PPIL6: variants seen among roughly 807,000 people sequenced by gnomAD.
The protein encoded by PPIL6 is peptidylprolyl isomerase like 6.
PPIL6 carries 39 observed loss-of-function variants against 36.8 expected under a neutral mutation model. The ratio of observed to expected loss-of-function variants is 1.06; its 90% CI spans 0.82 to 1.38. The LOEUF (loss-of-function observed/expected upper bound fraction) is 1.38, where lower values mean the gene tolerates loss of function less well. Among genes scored for constraint, PPIL6 ranks in the 40% most tolerant of loss-of-function variants. The pLI is 0.00. For missense variants in PPIL6, 368 were observed against 379.1 expected, an observed-to-expected ratio of 0.97 and a Z score of 0.24; for synonymous variants, 123 against 134.1, an observed-to-expected ratio of 0.92 and a Z score of 0.57.
chr6:109,436,999 T>C (rs924137988), intron 1 of PPIL6, among the ~76,000 whole-genome samples: 2 of 152,214 alleles, frequency 1.3e-5, no homozygotes, highest in Admixed American at 1.3e-4. Context: ...GAATGGGGGA[T>C]GACCAAAAAG....
chr6:109,399,353 C>T (rs1018470487), intron 7 of PPIL6, among the ~76,000 whole-genome samples: 2 of 151,956 alleles, frequency 1.3e-5, no homozygotes, highest in African/African-American at 4.8e-5. Flanking sequence ...GAGTGATCTG[C>T]CTGCCTCAGC....
At chr6:109,438,402 C>G (rs2115301396) in intron 1 of PPIL6, among the ~76,000 whole-genome samples, 1 of 151,288 alleles carries the variant, frequency 6.6e-6, no homozygotes, top group South Asian at 2.1e-4. Flanking sequence ...CACAGTGAGA[C>G]CCCCATCTCT....
At chr6:109,438,401 A>AC (rs981911359) in intron 1 of PPIL6, among the ~76,000 whole-genome samples, 2 of 151,508 alleles carry the variant, frequency 1.3e-5, no homozygotes, top group African/African-American at 2.4e-5. Context: ...ACACAGTGAG[A>AC]CCCCCATCTC....
chr6:109,420,913 C>T (rs927424490), intron 5 of PPIL6, among the ~76,000 whole-genome samples: 1 of 152,214 alleles, frequency 6.6e-6, no homozygotes, highest in African/African-American at 2.4e-5. Flanking sequence ...AGCCTTAAGT[C>T]TCCAACCTGA....
At chr6:109,421,605 GC>G (rs1773542123) in intron 5 of PPIL6, among the ~76,000 whole-genome samples, 1 of 152,282 alleles carries the variant, frequency 6.6e-6, no homozygotes, top group South Asian at 2.1e-4. Flanking sequence ...ATAATAAAAT[GC>G]ATTAAATTTA....
At chr6:109,415,858 C>T (rs147357658) in intron 6 of PPIL6, among the ~76,000 whole-genome samples, 59 of 152,294 alleles carry the variant, frequency 3.9e-4, no homozygotes, top group African/African-American at 1.3e-3. Flanking sequence ...TAGTAGACCA[C>T]TTTGATGCCT....
Position 109,391,344 on chromosome 6 carries a change from A to G in PPIL6, c.*1482T>C, listed in dbSNP as rs959368836. On this transcript the variant is annotated 3_prime_UTR_variant, in exon 8 of 8. Coordinates refer to ENST00000521072, the MANE Select transcript of PPIL6 (RefSeq NM_173672.5). Reference sequence around the variant, plus strand: ...AAAGCACTCTTAGTCTGGGCAGAGCAGGGGCACAGGGTAGTGGTGGTAACA... The same window carrying G: ...AAAGCACTCTTAGTCTGGGCAGAGCGGGGGCACAGGGTAGTGGTGGTAACA... 1 of 149,426 alleles carries G rather than the reference A, an allele frequency of 6.7e-6. No homozygotes were observed. The highest frequency in any genetic ancestry group is 1.5e-5 in the Non-Finnish European group (1 of 67,596). 9.3% of individuals were successfully genotyped at this position (149,426 alleles called of 1,614,324 possible).
intron 5 of PPIL6, among the ~76,000 whole-genome samples, chr6:109,422,759 G>A (rs1179886316): frequency 6.6e-6 from 1 of 152,184 alleles, no homozygotes; most frequent in Non-Finnish European, 1.5e-5. Flanking sequence ...TAAAAGTCGT[G>A]TGAAAGCTCC....
chr6:109,438,834 G>A (rs931304488), intron 1 of PPIL6, among the ~76,000 whole-genome samples: 3 of 152,150 alleles, frequency 2.0e-5, no homozygotes, highest in East Asian at 1.9e-4. Context: ...TGATCTGCCC[G>A]CCTCAGCCTC....
chr6:109,427,205 A>G lies in PPIL6; in HGVS notation c.421-49T>C, dbSNP rs763597657. 3.5e-6 allele frequency: 5 copies of G among 1,433,508 alleles called. No individual in the cohort carries two copies. The South Asian group carries it at 5.1e-5, about 15-fold the overall frequency. The allele number at this position is 1,433,508 out of a possible 1,614,324, so 88.8% of individuals were successfully genotyped here. A position where few individuals can be genotyped will look rare whatever the true frequency, so the allele number is the denominator to read the frequency against. ...ATAATGCAGGTCAAAGTCTTACAAG[A>G]AAGTTTTCAGAAATGACCAAAAATA... On this transcript the variant is annotated intron_variant, in intron 3 of 7. Coordinates refer to ENST00000521072, the MANE Select transcript of PPIL6 (RefSeq NM_173672.5).
intron 6 of PPIL6, among the ~76,000 whole-genome samples, chr6:109,404,632 T>A (rs1192019135): frequency 5.3e-5 from 8 of 152,246 alleles, no homozygotes; most frequent in Admixed American, 5.2e-4. Context: ...AGCACCTACT[T>A]TGGAGTTTAG....
At chr6:109,409,497 G>T (rs185382590) in intron 6 of PPIL6, among the ~76,000 whole-genome samples, 15 of 152,084 alleles carry the variant, frequency 9.9e-5, no homozygotes, top group African/African-American at 3.6e-4. Context: ...CCAGGAGGCA[G>T]AGGTTGCAGT....
At position 109,413,049 on chromosome 6, in the gene PPIL6, T is replaced by C. The variant is rs898454707; in HGVS notation, c.688+6138A>G. 1.3e-5 allele frequency among the ~76,000 whole-genome samples: 2 copies of C among 151,852 alleles called. No homozygotes were observed. The highest frequency in any genetic ancestry group is 4.8e-5 in the African/African-American group (2 of 41,316). On this transcript the variant is annotated intron_variant, in intron 6 of 7. Transcript: ENST00000521072. This position sits in a 1 kb window ranked among gnomAD's most constrained non-coding sequence, Gnocchi z 4.6. ...TATGTGCGCCTCTAATCCCAGCTAT[T>C]TGGGAGGCTGAGGGAGGAGAATTGC... is the stretch of plus-strand genomic sequence containing the variant.
rs1582565435 is a variant in PPIL6, at chr6:109,419,396, C to G, written c.632-153G>C. On this transcript the variant is annotated intron_variant, in intron 5 of 7. Coordinates refer to ENST00000521072, the MANE Select transcript of PPIL6 (RefSeq NM_173672.5). ...AGGAGTTTGAGACCAGCCTGGGCAA[C>G]ATAATGAGACTCCATCTCGATTAAA... Among the ~76,000 whole-genome samples, 4 of 147,824 alleles carry G rather than the reference C, an allele frequency of 2.7e-5. No individual in the cohort carries two copies. In the East Asian group the frequency reaches 7.9e-4, roughly 29 times the overall value.
chr6:109,416,200 CTTT>C (rs35427534), intron 6 of PPIL6, among the ~76,000 whole-genome samples: 3 of 112,504 alleles, frequency 2.7e-5, no homozygotes, highest in Admixed American at 9.6e-5. Flanking sequence ...TCTTTTGTGG[CTTT>C]TTTTTTTTTT....
At chr6:109,403,150 A>AT (rs752000632) in intron 6 of PPIL6, 374 of 1,383,472 alleles carry the variant, frequency 2.7e-4, no homozygotes, top group Middle Eastern at 1.1e-3. Context: ...ATTAAATTAA[A>AT]TTTTTTTAGA....
chr6:109,420,958 C>CCCCA (rs776804950), intron 5 of PPIL6, among the ~76,000 whole-genome samples: 3 of 152,222 alleles, frequency 2.0e-5, no homozygotes, highest in Non-Finnish European at 4.4e-5. Context: ...CACTACCCAG[C>CCCCA]CCCAGGCAGC....
chr6:109,430,419 C>G (rs1025268280), intron 3 of PPIL6, among the ~76,000 whole-genome samples: 1 of 150,412 alleles, frequency 6.6e-6, no homozygotes, highest in Non-Finnish European at 1.5e-5. Flanking sequence ...CTCTTGCTAA[C>G]TATGTGTTCA....
intron 6 of PPIL6, among the ~76,000 whole-genome samples, chr6:109,401,854 G>A (rs543303994): frequency 6.6e-6 from 1 of 151,704 alleles, no homozygotes; most frequent in Non-Finnish European, 1.5e-5. Context: ...TCCCTTAGTA[G>A]CTGGAACTAC....
Sources: allele counts gnomAD v4.1 joint callset (sites outside exome capture counted in the v4.1 genomes callset), GRCh38; gene constraint gnomAD v4.1.1; non-coding constraint Gnocchi (gnomAD v3.1); transcripts MANE v1.5; gene names NCBI Gene and HGNC (gene_info 2026-07-23, HGNC 2026-07-21).